DLGAP1: variants seen among roughly 807,000 people sequenced by gnomAD.
The protein encoded by DLGAP1 is DLG associated protein 1, also known as disks large-associated protein 1.
Under a neutral mutation model 90.8 loss-of-function variants are expected in DLGAP1, and 11 were observed. The observed-to-expected ratio is 0.12, with a 90% CI of 0.08 to 0.20. The LOEUF is 0.20. Among genes scored for constraint, DLGAP1 ranks in the 10% least tolerant of loss-of-function variants. The pLI, the probability that DLGAP1 is intolerant of heterozygous loss-of-function variation, is 1.00. For missense variants in DLGAP1, 1,050 were observed against 1,333.8 expected (o/e 0.79, Z 3.31); for synonymous variants, 558 against 540.7 (o/e 1.03, Z -0.44).
chr18:3,753,400 C>G (rs918490573), intron 5 of DLGAP1, among the ~76,000 whole-genome samples: 1 of 152,166 alleles, frequency 6.6e-6, no homozygotes, highest in African/African-American at 2.4e-5. Context: ...CACATCTCCC[C>G]TCGAAAGCCT....
intron 7 of DLGAP1, among the ~76,000 whole-genome samples, chr18:3,683,750 C>T (rs898399000): frequency 1.3e-5 from 2 of 151,974 alleles, no homozygotes; most frequent in African/African-American, 2.4e-5. Context: ...AGGCAAACAT[C>T]GTTAGCAGTA....
chr18:3,577,350 T>C (rs2055218740), intron 8 of DLGAP1, among the ~76,000 whole-genome samples: 2 of 152,226 alleles, frequency 1.3e-5, no homozygotes, highest in South Asian at 4.1e-4. Context: ...TTCCCATACC[T>C]GTGTAACCAA....
At position 3,692,743 on chromosome 18, in the gene DLGAP1, T is replaced by C. The variant is rs559350911; in HGVS notation, c.1591+36392A>G. Among the ~76,000 whole-genome samples the C allele has an allele frequency of 8.5e-5, 13 of 152,364 alleles. No individual in the cohort carries two copies. The South Asian group carries it at 2.7e-3, about 32-fold the overall frequency. ...TTGGGAGAGGGATATTATCTTAGAATTATCCTCCTGAAACAACTTCTGTTA... is the reference window on the plus strand; with the variant it reads ...TTGGGAGAGGGATATTATCTTAGAACTATCCTCCTGAAACAACTTCTGTTA... On this transcript the variant is annotated intron_variant, in intron 7 of 12. Transcript: ENST00000315677.
intron 3 of DLGAP1, chr18:3,896,280 A>G (rs112676511): frequency 1.3e-5 from 2 of 152,358 alleles, no homozygotes; most frequent in African/African-American, 4.8e-5. Context: ...CTGCTCCTCA[A>G]TAGCTTTCCT....
At chr18:4,008,226 T>TATACAC (rs1555724078) in intron 2 of DLGAP1, among the ~76,000 whole-genome samples, 2 of 147,102 alleles carry the variant, frequency 1.4e-5, no homozygotes, top group Non-Finnish European at 3.0e-5. Flanking sequence ...TATATATATA[T>TATACAC]ACACACACAC....
intron 7 of DLGAP1, among the ~76,000 whole-genome samples, chr18:3,632,457 A>T (rs1771156215): frequency 6.6e-6 from 1 of 152,000 alleles, no homozygotes; most frequent in South Asian, 2.1e-4. Context: ...TCACGCCACC[A>T]GGCCCAGCTA....
At chr18:3,522,758 G>T (rs1361388002) in intron 10 of DLGAP1, among the ~76,000 whole-genome samples, 2 of 151,772 alleles carry the variant, frequency 1.3e-5, no homozygotes, top group Admixed American at 1.3e-4. Flanking sequence ...GGCCAGGTTG[G>T]TCTCAAACCC....
At chr18:3,616,190 C>T (rs1216460599) in intron 7 of DLGAP1, among the ~76,000 whole-genome samples, 1 of 152,174 alleles carries the variant, frequency 6.6e-6, no homozygotes, top group East Asian at 1.9e-4. Flanking sequence ...CTGCATTTTC[C>T]AAAAGTGGCT....
intron 7 of DLGAP1, among the ~76,000 whole-genome samples, chr18:3,696,400 G>A (rs1382337064): frequency 2.0e-5 from 3 of 152,142 alleles, no homozygotes; most frequent in African/African-American, 7.2e-5. Flanking sequence ...AGAGTTTTTA[G>A]TGTGAAGTGG....
chr18:4,016,237 CAGAGTTGTTCATTT>C, intron 2 of DLGAP1, among the ~76,000 whole-genome samples: 1 of 152,328 alleles, frequency 6.6e-6, no homozygotes, highest in Middle Eastern at 3.4e-3. Flanking sequence ...CAGTGGTCTT[CAGAGTTGTTCATTT>C]TTAATATAAA....
chr18:3,624,431 G>T (rs764872922), intron 7 of DLGAP1, among the ~76,000 whole-genome samples: 1 of 152,156 alleles, frequency 6.6e-6, no homozygotes, highest in Non-Finnish European at 1.5e-5. Context: ...CTCACCTACC[G>T]CATGACGACT....
At chr18:3,678,221 C>A (rs144634401) in intron 7 of DLGAP1, among the ~76,000 whole-genome samples, 8,805 of 152,264 alleles carry the variant, frequency 0.058, 362 homozygotes, top group Middle Eastern at 0.14. Context: ...CTTAGCCTCC[C>A]AAAGTGTTGG....
chr18:3,499,264 G>A lies in DLGAP1; in HGVS notation c.2855C>T (p.Ala952Val). The change falls in exon 13 of 13, where the codon GCG (alanine) becomes GTG (valine). Residue 952 changes from alanine to valine, a missense_variant. Transcript: ENST00000315677. The surrounding 1 kb of genome is among the most constrained non-coding windows in gnomAD (Gnocchi z 6.4). ...RKRLMAAKRA[A>V]SVRQNSATES... ...GGTGGCCGAGTTCTGGCGGACGGAC[G>A]CGGCGCGCTTGGCGGCCATCAGGCG... is the stretch of plus-strand genomic sequence containing the variant. The A allele has an allele frequency of 1.2e-6, 2 of 1,602,014 alleles. No homozygotes were observed. Among genetic ancestry groups the A allele is most frequent in the Non-Finnish European group, 1.7e-6 (2 of 1,175,212 alleles).
At chr18:3,916,705 CTG>C (rs1472284243) in intron 3 of DLGAP1, among the ~76,000 whole-genome samples, 2 of 152,178 alleles carry the variant, frequency 1.3e-5, no homozygotes, top group East Asian at 3.9e-4. Context: ...ACCTCAGAGT[CTG>C]TGCTTGCAAC....
chr18:4,041,960 T>C (rs887356259), intron 2 of DLGAP1, among the ~76,000 whole-genome samples: 4 of 152,214 alleles, frequency 2.6e-5, no homozygotes, highest in Non-Finnish European at 5.9e-5. Context: ...AGATATGGAA[T>C]GGAATAAACA....
intron 2 of DLGAP1, among the ~76,000 whole-genome samples, chr18:4,139,291 T>G (rs566049745): frequency 1.3e-4 from 20 of 152,156 alleles, no homozygotes; most frequent in African/African-American, 4.8e-4. Context: ...CTGCTTTCGC[T>G]GTATCACATA....
chr18:4,219,824 GTT>G (rs1286097209), intron 1 of DLGAP1, among the ~76,000 whole-genome samples: 1 of 151,974 alleles, frequency 6.6e-6, no homozygotes, highest in African/African-American at 2.4e-5. Context: ...TTTCTATCCT[GTT>G]TTATTGTTCA....
chr18:3,695,118 AT>A lies in DLGAP1; in HGVS notation c.1591+34016del, dbSNP rs553292964. On this transcript the variant is annotated intron_variant, in intron 7 of 12. Coordinates refer to ENST00000315677, the MANE Select transcript of DLGAP1 (RefSeq NM_004746.4). ...TTATGCCCGGCTAATTTTTTTCTGTATTTTTTTAGTAGAGACGGGGTTTCAC... is the reference window on the plus strand; with the variant it reads ...TTATGCCCGGCTAATTTTTTTCTGTATTTTTTAGTAGAGACGGGGTTTCAC... 3.3e-3 allele frequency among the ~76,000 whole-genome samples: 503 copies of A among 150,884 alleles called. 3 individuals are homozygous for A. Among genetic ancestry groups the A allele is most frequent in the African/African-American group, 0.012 (476 of 41,140 alleles).
Position 3,534,570 on chromosome 18 carries a change from C to T in DLGAP1, c.2103G>A (p.Gln701=), listed in dbSNP as rs778293388. The T allele has an allele frequency of 2.5e-6, 4 of 1,610,366 alleles. No individual in the cohort carries two copies. The highest frequency in any genetic ancestry group is 1.7e-5 in the Admixed American group (1 of 59,680). ...GATTATCATGGAAGTCCAGGTCGGC[C>T]TGTACTGCTGTCGTCACACTGTTGG... ...TRSNSVTTAV[Q]ADLDFHDNLE... The change falls in exon 10 of 13, where the codon CAG becomes CAA. Residue 701 remains glutamine (Q), a synonymous_variant. Transcript: ENST00000315677.
Sources: allele counts gnomAD v4.1 joint callset (sites outside exome capture counted in the v4.1 genomes callset), GRCh38; gene constraint gnomAD v4.1.1; non-coding constraint Gnocchi (gnomAD v3.1); transcripts MANE v1.5; gene names NCBI Gene and HGNC (gene_info 2026-07-23, HGNC 2026-07-21).